ARMC9: variants seen among roughly 807,000 people sequenced by gnomAD.
ARMC9 encodes lisH domain-containing protein ARMC9.
ARMC9 carries 94 observed loss-of-function variants against 107.0 expected under a neutral mutation model. That is an observed-to-expected ratio of 0.88 (90% confidence interval 0.74 to 1.04). ARMC9 has a LOEUF of 1.04. ARMC9 is among the 50% of genes least tolerant of loss of function. ARMC9 has a pLI of 0.00. For synonymous variants in ARMC9, 380 were observed against 396.9 expected (o/e 0.96, Z 0.51); for missense variants, 942 against 1,030.1 (o/e 0.91, Z 1.17).
chr2:231,333,226 G>A (rs1168974887), intron 20 of ARMC9, among the ~76,000 whole-genome samples: 1 of 152,216 alleles, frequency 6.6e-6, no homozygotes, highest in Admixed American at 6.5e-5. Flanking sequence ...AGATCATGTG[G>A]CTTTGTAGGT....
intron 19 of ARMC9, among the ~76,000 whole-genome samples, chr2:231,310,933 CCT>C (rs2042311512): frequency 6.6e-6 from 1 of 151,674 alleles, no homozygotes; most frequent in African/African-American, 2.4e-5. Context: ...TTGAGACCAG[CCT>C]GGGCAACATG....
rs59475942 is a variant in ARMC9 at position 231,276,642 on chromosome 2, G to A, written c.1341G>A (p.Pro447=). 6,882 of 1,614,042 alleles carry A rather than the reference G, an allele frequency of 4.3e-3. 264 individuals are homozygous for A. The African/African-American group carries it at 0.082, about 19-fold the overall frequency. The change falls in exon 15 of 25, where the codon CCG becomes CCA. Residue 447 remains proline, a synonymous_variant. Transcript: ENST00000611582. ...GALQKFSLRR[P]LQTAMIQDGL... ...GTAGGCTCTTTCTTCCCAGGCGCCC[G>A]CTGCAGACAGCGATGATTCAAGACG...
rs570611647 is a variant in ARMC9 at position 231,243,906 on chromosome 2, GAGA to G, written c.879+3872_879+3874del. On this transcript the variant is annotated intron_variant, in intron 9 of 24. Transcript: ENST00000611582. ...ACTGATAGGATTTAGGATTTGGAAG[GAGA>G]AGAAGATTGCTTGCTTTTTTGCTGA... is the stretch of plus-strand genomic sequence containing the variant. 3.2e-4 allele frequency among the ~76,000 whole-genome samples: 48 copies of G among 152,328 alleles called. 1 individual carries two copies. In the South Asian group the frequency reaches 9.3e-3, roughly 30 times the overall value.
Position 231,317,256 on chromosome 2 carries a change from C to T in ARMC9, c.1774-14537C>T, listed in dbSNP as rs542296181. Among the ~76,000 whole-genome samples, 8 of 151,882 alleles carry T rather than the reference C, an allele frequency of 5.3e-5. No homozygotes were observed. The South Asian group carries it at 8.3e-4, about 16-fold the overall frequency. On this transcript the variant is annotated intron_variant, in intron 19 of 24. Coordinates refer to ENST00000611582, the MANE Select transcript of ARMC9 (RefSeq NM_001352754.2). ...CGCAATCGTGGCTCACTGCAACCTCCGCCTCCTGGGTTCAAGCGATTCTCC... is the reference window on the plus strand; with the variant it reads ...CGCAATCGTGGCTCACTGCAACCTCTGCCTCCTGGGTTCAAGCGATTCTCC...
chr2:231,345,265 C>T (rs893087159), intron 21 of ARMC9, 175 bp downstream of exon 21: 43 of 1,253,196 alleles, frequency 3.4e-5, no homozygotes, highest in Admixed American at 1.8e-4. Flanking sequence ...TCCCTTCCCC[C>T]AGGATTTTTT....
intron 5 of ARMC9, among the ~76,000 whole-genome samples, chr2:231,221,260 C>T (rs1485491693): frequency 6.6e-6 from 1 of 152,176 alleles, no homozygotes; most frequent in Non-Finnish European, 1.5e-5. Flanking sequence ...TGGCCGTCTT[C>T]CTTCTGTGTC....
intron 12 of ARMC9, 91 bp downstream of exon 12, chr2:231,262,489 C>T: frequency 8.0e-7 from 1 of 1,244,506 alleles, no homozygotes; most frequent in Non-Finnish European, 1.2e-6. Context: ...TTTCTCTGCA[C>T]ATTTTCAGCT....
intron 19 of ARMC9, among the ~76,000 whole-genome samples, chr2:231,310,659 G>A (rs1181121941): frequency 6.6e-6 from 1 of 150,914 alleles, no homozygotes; most frequent in African/African-American, 2.4e-5. Flanking sequence ...TGAACCCGGG[G>A]TAGGGGGGAA....
rs572036772 is a variant in ARMC9, at chr2:231,217,985, G to A, written c.504+1192G>A. 5.7e-3 allele frequency among the ~76,000 whole-genome samples: 786 copies of A among 137,236 alleles called. 5 individuals are homozygous for A. The highest frequency in any genetic ancestry group is 0.021 in the African/African-American group (733 of 34,730). The allele number at this position is 137,236 out of a possible 152,430, so 90.0% of individuals were successfully genotyped here. A position where few individuals can be genotyped will look rare whatever the true frequency, so the allele number is the denominator to read the frequency against. On this transcript the variant is annotated intron_variant, in intron 5 of 24. Coordinates refer to ENST00000611582, the MANE Select transcript of ARMC9 (RefSeq NM_001352754.2). ...TAGGATTACAGGCGTGAGCCACCGC[G>A]CCTTGTTTGTTTGTTTTTTGGAGAC...
At chr2:231,364,805 AAAAAG>A (rs1559508030) in intron 23 of ARMC9, among the ~76,000 whole-genome samples, 2 of 152,078 alleles carry the variant, frequency 1.3e-5, no homozygotes, top group African/African-American at 4.8e-5. Context: ...TTCAAAAAAA[AAAAAG>A]AAAGAAAGAA....
chr2:231,279,218 A>G (rs2040008254), intron 16 of ARMC9, among the ~76,000 whole-genome samples: 1 of 152,216 alleles, frequency 6.6e-6, no homozygotes, highest in Admixed American at 6.5e-5. Flanking sequence ...TGTTGCCCCA[A>G]CACCTGGTGT....
intron 19 of ARMC9, among the ~76,000 whole-genome samples, chr2:231,298,695 T>C (rs1216470840): frequency 6.6e-6 from 1 of 152,132 alleles, no homozygotes; most frequent in East Asian, 1.9e-4. Flanking sequence ...ACCTGCAATC[T>C]CAACACTTTG....
chr2:231,277,998 C>G (rs1031501043), intron 15 of ARMC9, among the ~76,000 whole-genome samples: 1 of 151,970 alleles, frequency 6.6e-6, no homozygotes, highest in Non-Finnish European at 1.5e-5. Context: ...TGGTGGTGTC[C>G]GTGCGTGGGA....
At chr2:231,252,146 C>T (rs988643255) in intron 9 of ARMC9, among the ~76,000 whole-genome samples, 4 of 152,060 alleles carry the variant, frequency 2.6e-5, no homozygotes, top group African/African-American at 4.8e-5. Context: ...AGGTAGAAAA[C>T]GTTTTTTGGC....
At chr2:231,350,734 A>G (rs2045029917) in intron 21 of ARMC9, among the ~76,000 whole-genome samples, 1 of 151,982 alleles carries the variant, frequency 6.6e-6, no homozygotes, top group Admixed American at 6.6e-5. Flanking sequence ...GATTTGATTA[A>G]TTTAGCCCAG....
intron 19 of ARMC9, among the ~76,000 whole-genome samples, chr2:231,321,194 C>T (rs962963071): frequency 2.6e-5 from 4 of 152,358 alleles, no homozygotes; most frequent in Non-Finnish European, 5.9e-5. Flanking sequence ...TTAACGCCGC[C>T]CTTGCGATCT....
In ARMC9 at chr2:231,362,990, C is replaced by T. The variant is rs1307643597; in HGVS notation, c.2261+2107C>T. On this transcript the variant is annotated intron_variant, in intron 23 of 24. Transcript: ENST00000611582. This position sits in a 1 kb window ranked among gnomAD's most constrained non-coding sequence, Gnocchi z 4.7. ...CCTCTCACTGCCTCAGAGACAAGCGCAGTGTGCAGGGCACAGAGAGCGTGC... is the reference window on the plus strand; with the variant it reads ...CCTCTCACTGCCTCAGAGACAAGCGTAGTGTGCAGGGCACAGAGAGCGTGC... Among the ~76,000 whole-genome samples the T allele has an allele frequency of 6.6e-6, 1 of 152,200 alleles. No homozygotes were observed. The highest frequency in any genetic ancestry group is 1.5e-5 in the Non-Finnish European group (1 of 68,044).
At position 231,329,444 on chromosome 2, in the gene ARMC9, G is replaced by A. The variant is rs574546067; in HGVS notation, c.1774-2349G>A. ...TCCTGCCTCAGCCTCTGAGTAGCTG[G>A]GATTACAGGCATGCGCCACCACGCC... On this transcript the variant is annotated intron_variant, in intron 19 of 24. Coordinates refer to ENST00000611582, the MANE Select transcript of ARMC9 (RefSeq NM_001352754.2). Among the ~76,000 whole-genome samples the A allele has an allele frequency of 5.9e-5, 9 of 152,180 alleles. No individual in the cohort carries two copies. In the South Asian group the frequency reaches 1.9e-3, roughly 32 times the overall value.
chr2:231,305,842 AAC>A (rs1195227411), intron 19 of ARMC9, among the ~76,000 whole-genome samples: 2 of 151,544 alleles, frequency 1.3e-5, no homozygotes, highest in African/African-American at 4.9e-5. Flanking sequence ...AGTGATAAAA[AAC>A]AAATGTTCAA....
Sources: allele counts gnomAD v4.1 joint callset (sites outside exome capture counted in the v4.1 genomes callset), GRCh38; gene constraint gnomAD v4.1.1; non-coding constraint Gnocchi (gnomAD v3.1); transcripts MANE v1.5; gene names NCBI Gene and HGNC (gene_info 2026-07-23, HGNC 2026-07-21).